UFC1: variants seen among roughly 807,000 people sequenced by gnomAD.
UFC1 encodes ubiquitin-fold modifier-conjugating enzyme 1.
Under a neutral mutation model 28.0 loss-of-function variants are expected in UFC1, and 22 were observed. That is an observed-to-expected ratio of 0.78 (90% CI 0.56 to 1.12). UFC1 has a LOEUF of 1.12. Among genes scored for constraint, UFC1 ranks in the 50% most tolerant of loss-of-function variants. The pLI, the probability that UFC1 is intolerant of heterozygous loss-of-function variation, is 0.00. For missense variants in UFC1, 189 were observed against 207.8 expected, an observed-to-expected ratio of 0.91 and a Z score of 0.56; for synonymous variants, 61 against 74.5, an observed-to-expected ratio of 0.82 and a Z score of 0.93.
chr1:161,157,451 AG>A (rs1162745497), intron 3 of UFC1, 134 bp downstream of exon 3: 36 of 1,336,296 alleles, frequency 2.7e-5, no homozygotes, highest in Non-Finnish European at 3.6e-5. Flanking sequence ...GTTTGAGGCA[AG>A]CATAAGTTAT....
At chr1:161,154,306 G>A (rs546309099) in intron 1 of UFC1, among the ~76,000 whole-genome samples, 186 bp downstream of exon 1, 2 of 152,116 alleles carry the variant, frequency 1.3e-5, no homozygotes, top group Non-Finnish European at 2.9e-5. Context: ...AAAAAGACTC[G>A]GGTGAGGTGC....
At chr1:161,156,915 A>C (rs76617482) in intron 1 of UFC1, 35 bp from the exon 2 acceptor site, 3 of 1,598,922 alleles carry the variant, frequency 1.9e-6, no homozygotes, top group Middle Eastern at 1.7e-4. Context: ...CTTGGCCCCA[A>C]CTACTCTCTC....
chr1:161,154,700 G>T (rs2101788517), intron 1 of UFC1, among the ~76,000 whole-genome samples: 1 of 152,224 alleles, frequency 6.6e-6, no homozygotes, highest in African/African-American at 2.4e-5. Flanking sequence ...GGCCAGGATG[G>T]TCTCGATCCC....
rs764750343 is a variant in UFC1, at chr1:161,158,397, T to G, written c.424-15T>G. 1 of 1,614,084 alleles carries G rather than the reference T, an allele frequency of 6.2e-7. No individual in the cohort carries two copies. Among genetic ancestry groups the G allele is most frequent in the African/African-American group, 1.3e-5 (1 of 74,930 alleles). On this transcript the variant is annotated splice_polypyrimidine_tract_variant and intron_variant, in intron 5 of 5. Coordinates refer to ENST00000368003, the MANE Select transcript of UFC1 (RefSeq NM_016406.4). ...TGACTGGTAGTAATCTCACAGGATT[T>G]TCCTTGTATTGCAGCTGGGTCCATG...
At chr1:161,157,408 A>C in intron 3 of UFC1, 91 bp downstream of exon 3, 1 of 1,538,424 alleles carries the variant, frequency 6.5e-7, no homozygotes, top group Non-Finnish European at 9.0e-7. Context: ...AAGGGACCAA[A>C]GAAAACTTTA....
At chr1:161,156,892 G>A in intron 1 of UFC1, 58 bp from the exon 2 acceptor site, 3 of 1,418,370 alleles carry the variant, frequency 2.1e-6, no homozygotes. Context: ...CTTTTGAGGA[G>A]AGGGGGACTG....
Position 161,158,447 on chromosome 1 carries a change from G to T in UFC1, c.459G>T (p.Leu153=), listed in dbSNP as rs749753796. 1 of 1,614,200 alleles carries T rather than the reference G, an allele frequency of 6.2e-7. No homozygotes were observed. The highest frequency in any genetic ancestry group is 8.5e-7 in the Non-Finnish European group (1 of 1,180,038). ...GGCTGGCAGTGGAAATCCCTGATCT[G>T]ATTCAGAAGGGCGTCATCCAACACA... ...GPWLAVEIPD[L]IQKGVIQHKE... The change falls in exon 6 of 6, where the codon CTG becomes CTT. Residue 153 remains leucine (L), a synonymous_variant. Coordinates refer to ENST00000368003, the MANE Select transcript of UFC1 (RefSeq NM_016406.4).
intron 1 of UFC1, among the ~76,000 whole-genome samples, chr1:161,155,666 A>C (rs1435754972): frequency 1.3e-5 from 2 of 152,160 alleles, no homozygotes; most frequent in Non-Finnish European, 2.9e-5. Flanking sequence ...TAGAGAGGAG[A>C]GGTAGATTTG....
At chr1:161,156,383 C>CA (rs1414958253) in intron 1 of UFC1, among the ~76,000 whole-genome samples, 1 of 148,682 alleles carries the variant, frequency 6.7e-6, no homozygotes, top group Non-Finnish European at 1.5e-5. Flanking sequence ...AAAAAAAATA[C>CA]AAAAAATTAG....
intron 5 of UFC1, 89 bp downstream of exon 5, chr1:161,158,300 C>A: frequency 6.4e-7 from 1 of 1,566,234 alleles, no homozygotes. Context: ...AAAGGAATAA[C>A]AGTGATGTCC....
intron 1 of UFC1, among the ~76,000 whole-genome samples, chr1:161,154,566 C>G (rs568636625): frequency 6.6e-6 from 1 of 152,258 alleles, no homozygotes; most frequent in East Asian, 1.9e-4. Context: ...CTCACTGCAA[C>G]CTCCGACTCC....
chr1:161,157,195 A>G (rs563623271), intron 2 of UFC1, 59 bp from the exon 3 acceptor site: 137 of 1,607,868 alleles, frequency 8.5e-5, no homozygotes, highest in Admixed American at 1.8e-4. Flanking sequence ...CTAAGCCAAG[A>G]TATCATTTGA....
intron 1 of UFC1, among the ~76,000 whole-genome samples, chr1:161,155,811 T>G (rs1657490335): frequency 6.6e-6 from 1 of 152,222 alleles, no homozygotes; most frequent in African/African-American, 2.4e-5. Context: ...TTCAGGAGGA[T>G]AATTCAGGAA....
intron 3 of UFC1, 140 bp from the exon 4 acceptor site, chr1:161,157,477 A>G: frequency 8.0e-7 from 1 of 1,254,580 alleles, no homozygotes. Context: ...ACTCATCTCC[A>G]CATCCAGAAT....
chr1:161,158,420 A>G lies in UFC1; in HGVS notation c.432A>G (p.Pro144=), dbSNP rs142546576. ...TTTTCCTTGTATTGCAGCTGGGTCC[A>G]TGGCTGGCAGTGGAAATCCCTGATC... ...LAHLMALGLG[P]WLAVEIPDLI... Residue 144 remains proline, a synonymous_variant, in exon 6 of 6, where the codon CCA becomes CCG. Coordinates refer to ENST00000368003, the MANE Select transcript of UFC1 (RefSeq NM_016406.4). 450 of 1,614,238 alleles carry G rather than the reference A, an allele frequency of 2.8e-4. No individual in the cohort carries two copies. Among genetic ancestry groups the G allele is most frequent in the Admixed American group, 8.3e-4 (50 of 60,020 alleles).
Position 161,157,491 on chromosome 1 carries a change from G to C in UFC1, c.256-126G>C, listed in dbSNP as rs904406879. The C allele has an allele frequency of 2.4e-6, 3 of 1,230,318 alleles. No individual in the cohort carries two copies. The African/African-American group carries it at 4.5e-5, about 19-fold the overall frequency. 76.2% of individuals were successfully genotyped at this position (1,230,318 alleles called of 1,614,324 possible). On this transcript the variant is annotated intron_variant, in intron 3 of 5. Coordinates refer to ENST00000368003, the MANE Select transcript of UFC1 (RefSeq NM_016406.4). ...TACTCATCTCCACATCCAGAATCCT[G>C]GTATGGATGTGCTCCTTGGGGAGTT... is the stretch of plus-strand genomic sequence containing the variant.
At chr1:161,158,017 T>TTA in intron 4 of UFC1, 104 bp from the exon 5 acceptor site, 1 of 1,031,022 alleles carries the variant, frequency 9.7e-7, no homozygotes, top group Non-Finnish European at 1.5e-6. Flanking sequence ...TAGCTGAACT[T>TTA]GTTCTCAATT....
chr1:161,155,740 A>T (rs960995025), intron 1 of UFC1, among the ~76,000 whole-genome samples: 8 of 152,216 alleles, frequency 5.3e-5, no homozygotes, highest in African/African-American at 1.9e-4. Context: ...AGGGAGGGTC[A>T]AAGATGATTC....
At chr1:161,155,353 C>CA (rs1158979335) in intron 1 of UFC1, among the ~76,000 whole-genome samples, 1 of 152,202 alleles carries the variant, frequency 6.6e-6, no homozygotes, top group Non-Finnish European at 1.5e-5. Context: ...GCACAGGCAC[C>CA]AGCATGATGT....
Sources: allele counts gnomAD v4.1 joint callset (sites outside exome capture counted in the v4.1 genomes callset), GRCh38; gene constraint gnomAD v4.1.1; transcripts MANE v1.5; gene names NCBI Gene and HGNC (gene_info 2026-07-23, HGNC 2026-07-21).